Variants in GLIPR1L2 observed in about 807,000 individuals in gnomAD.
GLIPR1L2 encodes GLIPR1-like protein 2.
A neutral mutation model predicts 28.4 loss-of-function variants in GLIPR1L2; 21 were observed. The observed-to-expected ratio is 0.74, with a 90% CI of 0.52 to 1.06. The LOEUF (loss-of-function observed/expected upper bound fraction) is 1.06. GLIPR1L2 is among the 50% of genes least tolerant of loss of function. The pLI is 0.00. For synonymous variants in GLIPR1L2, 145 were observed against 139.3 expected (o/e 1.04, Z -0.29); for missense variants, 476 against 416.9 (o/e 1.14, Z -1.23).
At chr12:75,395,210 G>A (rs1406483686) in intron 1 of GLIPR1L2, among the ~76,000 whole-genome samples, 1 of 151,924 alleles carries the variant, frequency 6.6e-6, no homozygotes, top group Non-Finnish European at 1.5e-5. Context: ...TCTTCATTTT[G>A]TTAATGTATT....
At chr12:75,418,102 C>T (rs1404881359) in intron 3 of GLIPR1L2, among the ~76,000 whole-genome samples, 3 of 152,034 alleles carry the variant, frequency 2.0e-5, no homozygotes, top group Non-Finnish European at 4.4e-5. Context: ...AGACATTGCA[C>T]ATTACATTTT....
intron 3 of GLIPR1L2, among the ~76,000 whole-genome samples, chr12:75,415,978 G>T (rs4019400): frequency 0.35 from 52,971 of 151,892 alleles, 9,611 homozygotes; most frequent in East Asian, 0.46. Flanking sequence ...ACTCTCCTGA[G>T]AATTATGCAT....
At position 75,431,820 on chromosome 12, in the gene GLIPR1L2, G is replaced by C. The variant is rs2046095426; in HGVS notation, c.*659G>C. 6.6e-6 allele frequency: 1 copy of C among 152,004 alleles called. No individual in the cohort carries two copies. The highest frequency in any genetic ancestry group is 2.4e-5 in the African/African-American group (1 of 41,434). The allele number at this position is 152,004 out of a possible 1,614,324, so 9.4% of individuals were successfully genotyped here. ...ATAAATGCCATAATTTTAATTAGTTGTGGTAGAGGAATCTGGGTGCTTCCA... is the reference window on the plus strand; with the variant it reads ...ATAAATGCCATAATTTTAATTAGTTCTGGTAGAGGAATCTGGGTGCTTCCA... On this transcript the variant is annotated 3_prime_UTR_variant, in exon 6 of 6. Transcript: ENST00000550916.
At chr12:75,407,364 A>G (rs2045814631) in intron 1 of GLIPR1L2, among the ~76,000 whole-genome samples, 1 of 152,150 alleles carries the variant, frequency 6.6e-6, no homozygotes, top group African/African-American at 2.4e-5. Context: ...TATTGAATGG[A>G]TGAATAAATA....
rs2046097423 is a variant in GLIPR1L2, at chr12:75,432,043, C to G, written c.*882C>G. On this transcript the variant is annotated 3_prime_UTR_variant, in exon 6 of 6. Transcript: ENST00000550916. ...TAGCACTAGATGACCACTAAGACCTCTTCCATCAATGAATATTCATGGATC... is the reference window on the plus strand; with the variant it reads ...TAGCACTAGATGACCACTAAGACCTGTTCCATCAATGAATATTCATGGATC... The G allele has an allele frequency of 1.3e-5, 2 of 152,156 alleles. No individual in the cohort carries two copies. Among genetic ancestry groups the G allele is most frequent in the South Asian group, 2.1e-4 (1 of 4,818 alleles). 9.4% of individuals were successfully genotyped at this position (152,156 alleles called of 1,614,324 possible). A position where few individuals can be genotyped will look rare whatever the true frequency, so the allele number is the denominator to read the frequency against.
At position 75,397,810 on chromosome 12, in the gene GLIPR1L2, GT is replaced by G. The variant is rs1282542410; in HGVS notation, c.234+6461del. Among the ~76,000 whole-genome samples the G allele has an allele frequency of 5.9e-4, 90 of 152,182 alleles. 1 individual carries two copies. The highest frequency in any genetic ancestry group is 3.5e-4 in the Non-Finnish European group (24 of 68,010). ...GGTGGTCTGCTTCATTTAGGAAGAA[GT>G]CGGCATCCTGATTTTTCCGCAAATA... On this transcript the variant is annotated intron_variant, in intron 1 of 5. Transcript: ENST00000550916.
intron 4 of GLIPR1L2, among the ~76,000 whole-genome samples, chr12:75,429,753 AAT>A (rs2139970326): frequency 6.6e-6 from 1 of 152,096 alleles, no homozygotes; most frequent in East Asian, 1.9e-4. Context: ...ATAATGAATG[AAT>A]TCTCATAAGA....
chr12:75,418,452 G>C (rs2045944643), intron 3 of GLIPR1L2, among the ~76,000 whole-genome samples: 1 of 152,126 alleles, frequency 6.6e-6, no homozygotes, highest in African/African-American at 2.4e-5. Context: ...ACACATGTAT[G>C]AATCTGAGTA....
chr12:75,409,710 TAAGATGTATATCTAATCCGATATATATAA>T (rs1372765238), intron 1 of GLIPR1L2, among the ~76,000 whole-genome samples: 33 of 106,164 alleles, frequency 3.1e-4, no homozygotes, highest in African/African-American at 1.0e-3. Context: ...GATATATATA[TAAGATGTATATCTAATCCGATATATATAA>T]GATGTATATC....
chr12:75,406,757 C>A (rs1289941579), intron 1 of GLIPR1L2, among the ~76,000 whole-genome samples: 55 of 110,404 alleles, frequency 5.0e-4, no homozygotes, highest in African/African-American at 5.8e-4. Flanking sequence ...GTCCCTATCT[C>A]AAAAAAAAAA....
chr12:75,404,159 GT>G (rs1291818557), intron 1 of GLIPR1L2, among the ~76,000 whole-genome samples: 1 of 152,006 alleles, frequency 6.6e-6, no homozygotes, highest in Non-Finnish European at 1.5e-5. Context: ...CACTTGACTT[GT>G]GGCTAAAATT....
intron 2 of GLIPR1L2, among the ~76,000 whole-genome samples, chr12:75,411,489 G>GT (rs199718956): frequency 5.2e-4 from 77 of 147,858 alleles, no homozygotes; most frequent in Middle Eastern, 7.0e-3. Flanking sequence ...TTTTTCATCA[G>GT]TTTTTTTTTT....
chr12:75,400,150 G>A (rs982737359), intron 1 of GLIPR1L2, among the ~76,000 whole-genome samples: 2 of 152,048 alleles, frequency 1.3e-5, no homozygotes, highest in East Asian at 3.9e-4. Context: ...ACAGAGTCTC[G>A]CTCTGTTGCC....
At position 75,429,938 on chromosome 12, in the gene GLIPR1L2, C is replaced by CTTTTTTTTT. The variant is rs34354324; in HGVS notation, c.671-769_671-761dup. 4.7e-4 allele frequency among the ~76,000 whole-genome samples: 60 copies of CTTTTTTTTT among 128,626 alleles called. 2 individuals are homozygous for CTTTTTTTTT. Among genetic ancestry groups the CTTTTTTTTT allele is most frequent in the African/African-American group, 4.9e-4 (16 of 32,414 alleles). The allele number at this position is 128,626 out of a possible 152,430, so 84.4% of individuals were successfully genotyped here. On this transcript the variant is annotated intron_variant, in intron 4 of 5. Coordinates refer to ENST00000550916, the MANE Select transcript of GLIPR1L2 (RefSeq NM_001270396.2). ...CCTTTTCTTTTCTTTTCTTTTCTTT[C>CTTTTTTTTT]TTTTTTTTTTTTTTTTGAGACAGAG... is the stretch of plus-strand genomic sequence containing the variant.
chr12:75,404,649 A>G (rs1396399555), intron 1 of GLIPR1L2, among the ~76,000 whole-genome samples: 1 of 152,128 alleles, frequency 6.6e-6, no homozygotes, highest in Non-Finnish European at 1.5e-5. Flanking sequence ...CTTGATATCT[A>G]TTACTTTATA....
At chr12:75,430,513 C>A (rs2046080506) in intron 4 of GLIPR1L2, among the ~76,000 whole-genome samples, 1 of 152,136 alleles carries the variant, frequency 6.6e-6, no homozygotes, top group African/African-American at 2.4e-5. Context: ...GCATATATTT[C>A]CATACTTTCT....
intron 1 of GLIPR1L2, among the ~76,000 whole-genome samples, chr12:75,408,481 A>G (rs1290318108): frequency 7.2e-5 from 11 of 152,034 alleles, no homozygotes; most frequent in Admixed American, 7.2e-4. Flanking sequence ...TGGAACATTC[A>G]GTGAGATAAT....
At position 75,391,099 on chromosome 12, in the gene GLIPR1L2, G is replaced by C. The variant is rs759148238; in HGVS notation, c.-18G>C. ...ACGGCCAGCGCGTGCGCACTGGCCTGTCAGCGGCCGGTGGACCATGGAGGC... is the reference window on the plus strand; with the variant it reads ...ACGGCCAGCGCGTGCGCACTGGCCTCTCAGCGGCCGGTGGACCATGGAGGC... On this transcript the variant is annotated 5_prime_UTR_variant, in exon 1 of 6. Transcript: ENST00000550916. 1.9e-6 allele frequency: 3 copies of C among 1,589,408 alleles called. No homozygotes were observed. The highest frequency in any genetic ancestry group is 3.4e-5 in the Admixed American group (2 of 59,484).
intron 1 of GLIPR1L2, 173 bp downstream of exon 1, chr12:75,391,523 C>CTG (rs546694537): frequency 4.2e-5 from 64 of 1,531,646 alleles, no homozygotes; most frequent in Non-Finnish European, 5.3e-5. Context: ...TGCGGACACT[C>CTG]TAACACATGC....
Sources: gnomAD v4.1 joint callset for allele counts (sites outside exome capture counted in the v4.1 genomes callset) on GRCh38, gnomAD v4.1.1 for gene constraint, MANE v1.5 for transcripts, NCBI Gene and HGNC (gene_info 2026-07-23, HGNC 2026-07-21) for gene names.